PON3: variants seen among roughly 807,000 people sequenced by gnomAD.
PON3 encodes the protein paraoxonase 3.
PON3 carries 37 observed loss-of-function variants against 36.3 expected under a neutral mutation model. That is an observed-to-expected ratio of 1.02 (90% confidence interval 0.78 to 1.34). The LOEUF is 1.34. Among genes scored for constraint, PON3 ranks in the 40% most tolerant of loss-of-function variants. PON3 has a pLI of 0.00. For synonymous variants in PON3, 155 were observed against 154.8 expected (o/e 1.00, Z -0.01); for missense variants, 415 against 426.5 (o/e 0.97, Z 0.24).
chr7:95,392,473 T>C (rs1809339613), intron 2 of PON3, among the ~76,000 whole-genome samples: 1 of 152,236 alleles, frequency 6.6e-6, no homozygotes, highest in Non-Finnish European at 1.5e-5. Context: ...GGCTTATATA[T>C]TTTGACAGTT....
At chr7:95,363,721 T>C in intron 6 of PON3, 142 bp downstream of exon 6, 1 of 828,090 alleles carries the variant, frequency 1.2e-6, no homozygotes, top group Non-Finnish European at 2.0e-6. Context: ...ATGACAGATT[T>C]AGTGTGAACC....
At chr7:95,364,280 T>A (rs1181429019) in intron 5 of PON3, 1 of 573,484 alleles carries the variant, frequency 1.7e-6, no homozygotes, top group Non-Finnish European at 3.1e-6. Context: ...CTCTTCTCTT[T>A]CACAGAAATC....
At chr7:95,361,293 A>C (rs1182313048) in intron 8 of PON3, among the ~76,000 whole-genome samples, 3 of 152,178 alleles carry the variant, frequency 2.0e-5, no homozygotes, top group African/African-American at 7.2e-5. Context: ...TTTTAACTGA[A>C]AGACAGCAAT....
intron 3 of PON3, among the ~76,000 whole-genome samples, chr7:95,386,111 AG>A: frequency 6.6e-6 from 1 of 152,340 alleles, no homozygotes; most frequent in Non-Finnish European, 1.5e-5. Context: ...AGCTACCAGA[AG>A]GCAATAAAAA....
At chr7:95,364,238 T>C (rs1022877895) in intron 5 of PON3, 175 bp from the exon 6 acceptor site, 5 of 618,964 alleles carry the variant, frequency 8.1e-6, no homozygotes, top group African/African-American at 3.7e-5. Context: ...ATTGCCCTGA[T>C]GGGTTTTCTT....
chr7:95,396,262 C>T lies in PON3; in HGVS notation c.74+15G>A. 1 of 1,613,774 alleles carries T rather than the reference C, an allele frequency of 6.2e-7. No individual in the cohort carries two copies. Among genetic ancestry groups the T allele is most frequent in the Admixed American group, 1.7e-5 (1 of 60,020 alleles). ...AGAAAGAGAGTCGAAGACGCCCTGT[C>T]AAGATGCCACTCACCTAAACGCCAG... On this transcript the variant is annotated intron_variant, in intron 1 of 8. Coordinates refer to ENST00000265627, the MANE Select transcript of PON3 (RefSeq NM_000940.3).
chr7:95,390,593 C>T (rs1319875972), intron 2 of PON3, among the ~76,000 whole-genome samples: 1 of 152,154 alleles, frequency 6.6e-6, no homozygotes, highest in East Asian at 1.9e-4. Flanking sequence ...AAGTCATAAT[C>T]GTGAAGGTCT....
intron 4 of PON3, among the ~76,000 whole-genome samples, chr7:95,369,471 A>T (rs535820409): frequency 1.7e-4 from 25 of 150,150 alleles, no homozygotes; most frequent in South Asian, 8.5e-4. Context: ...TTTAACATTT[A>T]AAAAAAAAAG....
rs1372483581 is a variant in PON3 at position 95,362,348 on chromosome 7, G to A, written c.906+14C>T. The A allele has an allele frequency of 1.2e-6, 2 of 1,613,390 alleles. No individual in the cohort carries two copies. Among genetic ancestry groups the A allele is most frequent in the African/African-American group, 1.3e-5 (1 of 74,904 alleles). ...CAGCTTTGCCTGTGAGCTCAGAGAG[G>A]TATAGGAACTTACTTCTGATCCTGG... is the stretch of plus-strand genomic sequence containing the variant. On this transcript the variant is annotated intron_variant, in intron 8 of 8. Transcript: ENST00000265627.
Position 95,390,193 on chromosome 7 carries a change from A to G in PON3, c.162T>C (p.Asp54=), listed in dbSNP as rs1160442417. 1 of 1,611,798 alleles carries G rather than the reference A, an allele frequency of 6.2e-7. No individual in the cohort carries two copies. The highest frequency in any genetic ancestry group is 1.1e-5 in the South Asian group (1 of 91,024). Residue 54 remains aspartate (D), a synonymous_variant, in exon 3 of 9, where the codon GAT becomes GAC. Transcript: ENST00000265627. ...LIEELESGSE[D]IDILPSGLAF... ...CCAGCCCACTAGGAAGTATATCAAT[A>G]TCTTCAGAGCCACTTTCTGCAAAAG... is the stretch of plus-strand genomic sequence containing the variant.
rs1808598014 is a variant in PON3 at position 95,362,641 on chromosome 7, A to G, written c.777+119T>C. The G allele has an allele frequency of 2.9e-6, 4 of 1,380,522 alleles. No individual in the cohort carries two copies. The Admixed American group carries it at 7.1e-5, about 25-fold the overall frequency. The allele number at this position is 1,380,522 out of a possible 1,614,324, so 85.5% of individuals were successfully genotyped here. A position where few individuals can be genotyped will look rare whatever the true frequency, so the allele number is the denominator to read the frequency against. On this transcript the variant is annotated intron_variant, in intron 7 of 8. Coordinates refer to ENST00000265627, the MANE Select transcript of PON3 (RefSeq NM_000940.3). The stretch of plus-strand genomic sequence containing the variant: ...TCTGTATTTTAGAAACGCATGCATA[A>G]TCTCACTGGCATTGCTCTCAAATAG...
chr7:95,376,141 GA>G (rs1168804642), intron 3 of PON3, among the ~76,000 whole-genome samples: 4 of 152,152 alleles, frequency 2.6e-5, no homozygotes, highest in Non-Finnish European at 4.4e-5. Context: ...ATTCAAGAGG[GA>G]ACATTGAAGA....
At chr7:95,372,069 A>T in intron 4 of PON3, 104 bp downstream of exon 4, 1 of 1,336,610 alleles carries the variant, frequency 7.5e-7, no homozygotes, top group Non-Finnish European at 1.1e-6. Context: ...CTGTATGGTA[A>T]AATAGCATCT....
At chr7:95,363,483 C>T (rs1021698118) in intron 6 of PON3, 1 of 263,246 alleles carries the variant, frequency 3.8e-6, no homozygotes, top group Admixed American at 5.0e-5. Context: ...AGCCTTCCCT[C>T]TCTCCTAAGA....
In PON3 at chr7:95,386,960, AAACT is replaced by A. The variant is rs1356377083; in HGVS notation, c.201+3190_201+3193del. ...GCCCTTCATGCTAAAAACTCTCAAT[AAACT>A]AGGTATTGATAGAACGTATCTCAAA... On this transcript the variant is annotated intron_variant, in intron 3 of 8. Coordinates refer to ENST00000265627, the MANE Select transcript of PON3 (RefSeq NM_000940.3). Among the ~76,000 whole-genome samples the A allele has an allele frequency of 5.9e-5, 9 of 152,312 alleles. No individual in the cohort carries two copies. In the East Asian group the frequency reaches 1.7e-3, roughly 29 times the overall value.
Position 95,377,110 on chromosome 7 carries a change from C to T in PON3, c.202-4772G>A, listed in dbSNP as rs933483260. On this transcript the variant is annotated intron_variant, in intron 3 of 8. Transcript: ENST00000265627. ...AGGAAATTCCCTCCCGTGTCTGGCT[C>T]GGCGGGTTCTACGCCCACAGAGCCT... 5.9e-5 allele frequency among the ~76,000 whole-genome samples: 9 copies of T among 152,364 alleles called. No homozygotes were observed. The South Asian group carries it at 1.0e-3, about 18-fold the overall frequency.
At chr7:95,385,133 C>T (rs927580961) in intron 3 of PON3, among the ~76,000 whole-genome samples, 1 of 151,952 alleles carries the variant, frequency 6.6e-6, no homozygotes, top group Non-Finnish European at 1.5e-5. Context: ...TGTTCTCACT[C>T]ATAGGTGGGA....
intron 2 of PON3, among the ~76,000 whole-genome samples, chr7:95,393,901 A>G (rs934250141): frequency 2.0e-5 from 3 of 152,006 alleles, no homozygotes; most frequent in Non-Finnish European, 4.4e-5. Context: ...TCCTTCGTTT[A>G]TTATTTTTTT....
chr7:95,363,517 A>T, intron 6 of PON3: 1 of 330,082 alleles, frequency 3.0e-6, no homozygotes, highest in Non-Finnish European at 5.8e-6. Flanking sequence ...TGAACTTAGC[A>T]TAAGTGGTCA....
Sources: gnomAD v4.1 joint callset for allele counts (sites outside exome capture counted in the v4.1 genomes callset) on GRCh38, gnomAD v4.1.1 for gene constraint, MANE v1.5 for transcripts, NCBI Gene and HGNC (gene_info 2026-07-23, HGNC 2026-07-21) for gene names.